The following PKD1 variants were observed in gnomAD, a reference collection of about 807,000 sequenced individuals.
The protein encoded by PKD1 is polycystin-1.
A neutral mutation model predicts 361.7 loss-of-function variants in PKD1; 81 were observed. The observed-to-expected ratio is 0.22, with a 90% CI of 0.19 to 0.27. The LOEUF is 0.27. Ranked by LOEUF, PKD1 falls within the 10% of genes least tolerant of loss-of-function variation. The probability of loss-of-function intolerance (pLI) is 1.00; values close to 1 mark genes in which losing one functional copy is unlikely to be tolerated. For synonymous variants in PKD1, 3,615 were observed against 2,818.3 expected (o/e 1.28, Z -8.95); for missense variants, 6,399 against 6,118.3 (o/e 1.05, Z -1.53).
At chr16:2,128,709 G>A (rs1256990897) in intron 1 of PKD1, among the ~76,000 whole-genome samples, 1 of 152,110 alleles carries the variant, frequency 6.6e-6, no homozygotes, top group Non-Finnish European at 1.5e-5. Context: ...ACTCTTCCTA[G>A]ACCTTTTCTT....
In PKD1 at chr16:2,115,586, G is replaced by A. The variant is rs556265337; in HGVS notation, c.1889C>T (p.Pro630Leu). The A allele has an allele frequency of 1.1e-4, 182 of 1,592,964 alleles. 2 individuals are homozygous for A. The South Asian group carries it at 1.5e-3, about 13-fold the overall frequency. ...GGGGGCCAGCTGGGTCCTGTTGTCC[G>A]GGGACCTGCTCTCAGGCTCGCTGCC... The part of the protein sequence containing the change: ...ENGSEPESRS[P>L]DNRTQLAPAC... The change falls in exon 10 of 46, where the codon CCG (proline) becomes CTG (leucine). Residue 630 changes from proline (P) to leucine (L), a missense_variant. By Grantham distance (98) the Pro-to-Leu change is moderately conservative. Coordinates refer to ENST00000262304, the MANE Select transcript of PKD1 (RefSeq NM_001009944.3).
rs765225243 is a variant in PKD1 at position 2,104,565 on chromosome 16, C to T, written c.8094G>A (p.Leu2698=). 3.7e-6 allele frequency: 6 copies of T among 1,600,940 alleles called. No homozygotes were observed. Among genetic ancestry groups the T allele is most frequent in the South Asian group, 1.1e-5 (1 of 89,758 alleles). ...LHKLEAMMLI[L]QAETTAGTVT... The stretch of plus-strand genomic sequence containing the variant: ...CGGTGCCCGCGGTGGTCTCTGCCTG[C>T]AGGATGAGCATCATGGCCTCCAGCT... Residue 2698 remains leucine, a synonymous_variant, in exon 22 of 46, where the codon CTG becomes CTA. Transcript: ENST00000262304.
intron 16 of PKD1, 156 bp from the exon 17 acceptor site, chr16:2,107,104 G>C: frequency 1.4e-6 from 1 of 731,914 alleles, no homozygotes; most frequent in Non-Finnish European, 2.4e-6. Context: ...CATCCGGTTT[G>C]CCACCTTCCA....
At chr16:2,119,660 C>G (rs905509685) in intron 1 of PKD1, 2 of 614,492 alleles carry the variant, frequency 3.3e-6, no homozygotes, top group Non-Finnish European at 5.8e-6. Context: ...AGGAAGGGCA[C>G]GGACCCCCAA....
intron 37 of PKD1, 139 bp downstream of exon 37, chr16:2,093,405 G>A (rs1033389260): frequency 5.0e-5 from 43 of 856,518 alleles, no homozygotes; most frequent in Admixed American, 3.8e-4. Flanking sequence ...GAGGGAGACC[G>A]GGCAAAGGCT....
chr16:2,123,699 C>T (rs1444971874), intron 1 of PKD1, among the ~76,000 whole-genome samples: 3 of 152,134 alleles, frequency 2.0e-5, no homozygotes, highest in Non-Finnish European at 4.4e-5. Context: ...GCAGGACCAC[C>T]GAGCGGCCCT....
In PKD1 at chr16:2,088,718, A is replaced by G; in HGVS notation, c.*1009T>C. 3 of 1,427,382 alleles carry G rather than the reference A, an allele frequency of 2.1e-6. No homozygotes were observed. In the South Asian group the frequency reaches 3.8e-5, roughly 18 times the overall value. 88.4% of individuals were successfully genotyped at this position (1,427,382 alleles called of 1,614,324 possible). A position where few individuals can be genotyped will look rare whatever the true frequency, so the allele number is the denominator to read the frequency against. On this transcript the variant is annotated 3_prime_UTR_variant, in exon 46 of 46. Transcript: ENST00000262304. ...ACATAGAGGCACAGATTGCAGTCAGACAGCTCTTTTATTGACTTTGTCTGC... is the reference window on the plus strand; with the variant it reads ...ACATAGAGGCACAGATTGCAGTCAGGCAGCTCTTTTATTGACTTTGTCTGC...
chr16:2,098,196 G>A, intron 30 of PKD1: 1 of 597,824 alleles, frequency 1.7e-6, no homozygotes, highest in Non-Finnish European at 3.0e-6. Context: ...GTGCAGCTAA[G>A]GAACAGAGTT....
intron 1 of PKD1, among the ~76,000 whole-genome samples, chr16:2,131,575 T>A (rs564560017): frequency 6.6e-6 from 1 of 151,816 alleles, no homozygotes; most frequent in African/African-American, 2.4e-5. Flanking sequence ...TCCCAGCACT[T>A]TGGGAGGCCG....
At chr16:2,131,964 T>C (rs1468445544) in intron 1 of PKD1, 1 of 151,914 alleles carries the variant, frequency 6.6e-6, no homozygotes, top group African/African-American at 2.4e-5. Context: ...CACACATATA[T>C]TTTTGTCTGG....
In PKD1 at chr16:2,110,223, G is replaced by C. The variant is rs2092465295; in HGVS notation, c.4944C>G (p.His1648Gln). 6.2e-7 allele frequency: 1 copy of C among 1,612,008 alleles called. No individual in the cohort carries two copies. Residue 1648 changes from histidine (H) to glutamine (Q), a missense_variant, in exon 15 of 46, where the codon CAC (histidine) becomes CAG (glutamine). His to Gln is a conservative substitution (Grantham distance 24, BLOSUM62 0). Coordinates refer to ENST00000262304, the MANE Select transcript of PKD1 (RefSeq NM_001009944.3). ...VGGGRYFPTN[H>Q]TVQLQAVVRD... ...TAACCACGGCCTGCAGCTGTACCGTGTGGTTGGTGGGGAAGTAGCGGCCAC... is the reference window on the plus strand; with the variant it reads ...TAACCACGGCCTGCAGCTGTACCGTCTGGTTGGTGGGGAAGTAGCGGCCAC...
At chr16:2,129,959 G>A (rs2092849449) in intron 1 of PKD1, among the ~76,000 whole-genome samples, 1 of 152,096 alleles carries the variant, frequency 6.6e-6, no homozygotes, top group Non-Finnish European at 1.5e-5. Context: ...CTCCACAGTC[G>A]CCTCTGCAGT....
At chr16:2,112,607 G>A (rs2092544806) in intron 13 of PKD1, 134 bp from the exon 14 acceptor site, 3 of 978,630 alleles carry the variant, frequency 3.1e-6, no homozygotes, top group South Asian at 1.5e-5. Flanking sequence ...CCACCCGGCT[G>A]TGCTGAGGCC....
Position 2,106,318 on chromosome 16 carries a change from C to G in PKD1, c.7490-14G>C, listed in dbSNP as rs1437096563. On this transcript the variant is annotated splice_polypyrimidine_tract_variant and intron_variant, in intron 18 of 45. Coordinates refer to ENST00000262304, the MANE Select transcript of PKD1 (RefSeq NM_001009944.3). This position sits in a 1 kb window ranked among gnomAD's most constrained non-coding sequence, Gnocchi z 6.5. ...CGTCATGCCAGCCTGAGGGACGGTC[C>G]CCACGGCATCACGGGAGGGCTCCGT... 1 of 1,607,700 alleles carries G rather than the reference C, an allele frequency of 6.2e-7. No homozygotes were observed. The highest frequency in any genetic ancestry group is 1.3e-5 in the African/African-American group (1 of 74,904).
Position 2,110,856 on chromosome 16 carries a change from G to A in PKD1, c.4311C>T (p.Asp1437=), listed in dbSNP as rs1596559524. ...TGACTGTCACAAGATAGGAGCCTGGGTCTCGGTAGATGAACGTCACCTCAG... is the reference window on the plus strand; with the variant it reads ...TGACTGTCACAAGATAGGAGCCTGGATCTCGGTAGATGAACGTCACCTCAG... ...RGPEVTFIYR[D]PGSYLVTVTA... Residue 1437 remains aspartate (D), a synonymous_variant, in exon 15 of 46, where the codon GAC becomes GAT. Coordinates refer to ENST00000262304, the MANE Select transcript of PKD1 (RefSeq NM_001009944.3). The A allele has an allele frequency of 5.6e-6, 9 of 1,611,790 alleles. No individual in the cohort carries two copies. The highest frequency in any genetic ancestry group is 1.8e-4 in the Middle Eastern group (1 of 5,462).
rs771094652 is a variant in PKD1 at position 2,102,642 on chromosome 16, G to C, written c.8949-9C>G. ...CCGCTGGGTCTCTGCTCCTGGGCAG[G>C]GAAGGGGTAGCGGACGTGAGCCCAG... On this transcript the variant is annotated splice_polypyrimidine_tract_variant and intron_variant, in intron 24 of 45. Transcript: ENST00000262304. 3.1e-6 allele frequency: 5 copies of C among 1,610,814 alleles called. No individual in the cohort carries two copies. The South Asian group carries it at 5.5e-5, about 18-fold the overall frequency.
rs779678394 is a variant in PKD1, at chr16:2,113,316, T to C, written c.2854-24A>G. On this transcript the variant is annotated intron_variant, in intron 11 of 45. Coordinates refer to ENST00000262304, the MANE Select transcript of PKD1 (RefSeq NM_001009944.3). ...CTCTGCGGGGGGAATGGTGTCAGCC[T>C]GGGCTCTGTGGAGGACTCTGCCCTT... is the stretch of plus-strand genomic sequence containing the variant. The C allele has an allele frequency of 6.9e-6, 11 of 1,595,216 alleles. No homozygotes were observed. In the East Asian group the frequency reaches 2.2e-4, roughly 32 times the overall value.
chr16:2,097,396 C>G lies in PKD1; in HGVS notation c.10328G>C (p.Gly3443Ala). 1 of 1,610,422 alleles carries G rather than the reference C, an allele frequency of 6.2e-7. No homozygotes were observed. Residue 3443 changes from glycine to alanine, a missense_variant, in exon 33 of 46, where the codon GGC becomes GCC. Gly to Ala is a moderately conservative substitution (Grantham distance 60). Coordinates refer to ENST00000262304, the MANE Select transcript of PKD1 (RefSeq NM_001009944.3). The stretch of plus-strand genomic sequence containing the variant: ...GTCCTCCTCTGGGCCCAGCCCATGG[C>G]CCGCCTGGCCCCGTGCCAGCTGCCG... ...NLRQLARGQAGHGLGPEEDGF... is the reference protein window; with the variant it reads ...NLRQLARGQAAHGLGPEEDGF...
At position 2,106,432 on chromosome 16, in the gene PKD1, G is replaced by A. The variant is rs778034654; in HGVS notation, c.7455C>T (p.His2485=). The change falls in exon 18 of 46, where the codon CAC becomes CAT. Residue 2485 remains histidine (H), a synonymous_variant. Transcript: ENST00000262304. This position sits in a 1 kb window ranked among gnomAD's most constrained non-coding sequence, Gnocchi z 6.5. The part of the protein sequence containing the change: ...SCRLFPLGAV[H]ALTTKVHFEC... ...CGAAGTGCACCTTGGTGGTGAGGGC[G>A]TGCACAGCGCCCAGTGGGAAGAGGC... 3.0e-5 allele frequency: 48 copies of A among 1,589,318 alleles called. No individual in the cohort carries two copies. Among genetic ancestry groups the A allele is most frequent in the South Asian group, 6.7e-5 (6 of 89,102 alleles).
Sources: allele counts gnomAD v4.1 joint callset (sites outside exome capture counted in the v4.1 genomes callset), GRCh38; gene constraint gnomAD v4.1.1; non-coding constraint Gnocchi (gnomAD v3.1); transcripts MANE v1.5; gene names NCBI Gene and HGNC (gene_info 2026-07-23, HGNC 2026-07-21).